The following FNDC3B variants were observed in gnomAD, a reference collection of about 807,000 sequenced individuals.
FNDC3B encodes fibronectin type III domain containing 3B.
FNDC3B carries 12 observed loss-of-function variants against 151.5 expected under a neutral mutation model. The observed-to-expected ratio is 0.08, with a 90% CI of 0.05 to 0.13. The LOEUF (loss-of-function observed/expected upper bound fraction) is 0.13, where lower values mean the gene tolerates loss of function less well. Among genes scored for constraint, FNDC3B ranks in the 10% least tolerant of loss-of-function variants. The pLI, the probability that FNDC3B is intolerant of heterozygous loss-of-function variation, is 1.00. For missense variants in FNDC3B, 1,214 were observed against 1,505.3 expected (o/e 0.81, Z 3.20); for synonymous variants, 528 against 549.0 (o/e 0.96, Z 0.54).
intron 4 of FNDC3B, among the ~76,000 whole-genome samples, chr3:172,236,138 T>C (rs1193187988): frequency 6.6e-6 from 1 of 152,278 alleles, no homozygotes; most frequent in African/African-American, 2.4e-5. Flanking sequence ...TTAGTATCGA[T>C]TGAAACTCTT....
intron 25 of FNDC3B, among the ~76,000 whole-genome samples, chr3:172,395,744 C>T (rs1576976756): frequency 6.6e-6 from 1 of 152,186 alleles, no homozygotes; most frequent in East Asian, 1.9e-4. Flanking sequence ...AAAAGTCAAG[C>T]GAATTGCAAA....
intron 25 of FNDC3B, among the ~76,000 whole-genome samples, chr3:172,388,993 G>T (rs566535898): frequency 1.3e-5 from 2 of 152,152 alleles, no homozygotes; most frequent in African/African-American, 2.4e-5. Context: ...TCATGTAGGG[G>T]GCGGGGGATG....
chr3:172,274,032 C>T (rs1729324859), intron 6 of FNDC3B, among the ~76,000 whole-genome samples: 1 of 152,172 alleles, frequency 6.6e-6, no homozygotes, highest in Admixed American at 6.5e-5. Flanking sequence ...ACTGCATGAT[C>T]CTCAGTGTTC....
chr3:172,195,567 CT>C (rs1724779025), intron 3 of FNDC3B, among the ~76,000 whole-genome samples: 1 of 152,228 alleles, frequency 6.6e-6, no homozygotes, highest in African/African-American at 2.4e-5. Context: ...TAACTTAGCT[CT>C]CTTCCACATT....
At chr3:172,344,608 A>G (rs185616378) in intron 19 of FNDC3B, among the ~76,000 whole-genome samples, 32 of 152,346 alleles carry the variant, frequency 2.1e-4, no homozygotes, top group African/African-American at 7.7e-4. Flanking sequence ...TAGTTCTAAT[A>G]AAAGTTTTAT....
chr3:172,251,307 C>G lies in FNDC3B; in HGVS notation c.556C>G (p.Gln186Glu), dbSNP rs1728055386. Residue 186 changes from glutamine to glutamate, a missense_variant, in exon 6 of 26, where the codon CAG (glutamine) becomes GAG (glutamate). Gln to Glu is a conservative substitution (Grantham distance 29). This residue lies in a region of FNDC3B where 166 missense variants were observed against 173.2 expected (regional missense o/e 0.96). Coordinates refer to ENST00000415807, the MANE Select transcript of FNDC3B (RefSeq NM_022763.4). ...GTCAACCTACATCACCCGAGAAGAC[C>G]AGTACAGCAAGCCTCCGCACAAAAA... ...GMSTYITRED[Q>E]YSKPPHKKLK... 1.2e-6 allele frequency: 2 copies of G among 1,613,418 alleles called. No homozygotes were observed. The highest frequency in any genetic ancestry group is 1.7e-6 in the Non-Finnish European group (2 of 1,179,636).
chr3:172,074,458 A>G (rs1287215582), intron 1 of FNDC3B, among the ~76,000 whole-genome samples: 1 of 152,218 alleles, frequency 6.6e-6, no homozygotes, highest in Non-Finnish European at 1.5e-5. Context: ...GTTAAAACTT[A>G]AAGACATCAG....
chr3:172,202,501 A>G (rs1725208693), intron 3 of FNDC3B, among the ~76,000 whole-genome samples: 1 of 152,188 alleles, frequency 6.6e-6, no homozygotes, highest in African/African-American at 2.4e-5. Flanking sequence ...CCTGTTAGAT[A>G]CTTTCTGTCA....
At chr3:172,317,625 C>T (rs1731875968) in intron 11 of FNDC3B, among the ~76,000 whole-genome samples, 1 of 152,170 alleles carries the variant, frequency 6.6e-6, no homozygotes, top group Non-Finnish European at 1.5e-5. Flanking sequence ...AGTTATCTCA[C>T]GGGTACGTAA....
chr3:172,346,577 G>A (rs1733628081), intron 20 of FNDC3B, 137 bp downstream of exon 20: 2 of 487,394 alleles, frequency 4.1e-6, no homozygotes, highest in Non-Finnish European at 3.6e-6. Context: ...GTGTACTATA[G>A]TAATCACCCT....
intron 1 of FNDC3B, among the ~76,000 whole-genome samples, chr3:172,073,903 C>T (rs2108489936): frequency 6.6e-6 from 1 of 151,778 alleles, no homozygotes; most frequent in East Asian, 1.9e-4. Flanking sequence ...TTCTCTTGTG[C>T]TTTTTCTCCC....
At chr3:172,389,583 T>TG in intron 25 of FNDC3B, among the ~76,000 whole-genome samples, 2 of 152,138 alleles carry the variant, frequency 1.3e-5, no homozygotes, top group South Asian at 4.1e-4. Flanking sequence ...ACTGTTCACG[T>TG]GTGGGGGGGT....
At chr3:172,059,397 T>C (rs1211874403) in intron 1 of FNDC3B, among the ~76,000 whole-genome samples, 5 of 152,186 alleles carry the variant, frequency 3.3e-5, no homozygotes, top group Admixed American at 1.3e-4. Context: ...CACTAATTGT[T>C]CTCCATGGCA....
At chr3:172,222,538 A>G (rs773864666) in intron 3 of FNDC3B, among the ~76,000 whole-genome samples, 8 of 152,020 alleles carry the variant, frequency 5.3e-5, no homozygotes, top group African/African-American at 9.7e-5. Flanking sequence ...GTGGAAGACA[A>G]TTTTTCCACG....
At chr3:172,171,158 G>A (rs545969473) in intron 3 of FNDC3B, among the ~76,000 whole-genome samples, 1 of 152,316 alleles carries the variant, frequency 6.6e-6, no homozygotes, top group Non-Finnish European at 1.5e-5. Flanking sequence ...TCAAACTGAA[G>A]TTGCTCCTTT....
intron 3 of FNDC3B, among the ~76,000 whole-genome samples, chr3:172,175,941 AT>A (rs1723571457): frequency 6.6e-6 from 1 of 152,176 alleles, no homozygotes; most frequent in Non-Finnish European, 1.5e-5. Flanking sequence ...TTATAAGCCT[AT>A]TTTTGTTCCT....
chr3:172,287,301 T>C (rs890557905), intron 7 of FNDC3B, among the ~76,000 whole-genome samples: 1 of 152,210 alleles, frequency 6.6e-6, no homozygotes, highest in Non-Finnish European at 1.5e-5. Context: ...TTCTTGGACA[T>C]GCTGAGTTTG....
intron 11 of FNDC3B, among the ~76,000 whole-genome samples, chr3:172,319,760 A>G (rs913418219): frequency 1.3e-5 from 2 of 152,178 alleles, no homozygotes; most frequent in Non-Finnish European, 2.9e-5. Flanking sequence ...TGAAGCCAAC[A>G]TTGGTCTTTG....
rs10684671 is a variant in FNDC3B at position 172,177,626 on chromosome 3, C to CTTTTTTT, written c.187+44095_187+44101dup. 4.7e-4 allele frequency among the ~76,000 whole-genome samples: 40 copies of CTTTTTTT among 84,842 alleles called. 2 individuals carry two copies. Among genetic ancestry groups the CTTTTTTT allele is most frequent in the African/African-American group, 1.8e-3 (37 of 20,532 alleles). The allele number at this position is 84,842 out of a possible 152,430, so 55.7% of individuals were successfully genotyped here. ...AGGAAGGAATCATTTTTACCACCATCTTTTTTTTTTTTTTTTTTTTTGCAC... is the reference window on the plus strand; with the variant it reads ...AGGAAGGAATCATTTTTACCACCATCTTTTTTTTTTTTTTTTTTTTTTTTTTTTGCAC... On this transcript the variant is annotated intron_variant, in intron 3 of 25. Transcript: ENST00000415807.
Sources: gnomAD v4.1 joint callset for allele counts (sites outside exome capture counted in the v4.1 genomes callset) on GRCh38, gnomAD v4.1.1 for gene constraint, gnomAD v4.1.1 regional missense constraint, MANE v1.5 for transcripts, NCBI Gene and HGNC (gene_info 2026-07-23, HGNC 2026-07-21) for gene names.